The following ATP8B4 variants were observed in gnomAD, a reference collection of about 807,000 sequenced individuals.
ATP8B4 encodes the protein probable phospholipid-transporting ATPase IM.
Under a neutral mutation model 145.6 loss-of-function variants are expected in ATP8B4, and 133 were observed. That is an observed-to-expected ratio of 0.91 (90% confidence interval 0.79 to 1.05). ATP8B4 has a LOEUF of 1.05. Ranked by LOEUF, ATP8B4 falls within the 50% of genes least tolerant of loss-of-function variation. The probability of loss-of-function intolerance (pLI) is 0.00; values close to 1 mark genes in which losing one functional copy is unlikely to be tolerated. For synonymous variants in ATP8B4, 507 were observed against 492.9 expected (o/e 1.03, Z -0.38); for missense variants, 1,458 against 1,425.2 (o/e 1.02, Z -0.37).
At chr15:50,168,414 C>A (rs2044624348) in intron 1 of ATP8B4, among the ~76,000 whole-genome samples, 1 of 152,160 alleles carries the variant, frequency 6.6e-6, no homozygotes, top group South Asian at 2.1e-4. Flanking sequence ...CACACCCCCA[C>A]TGCAGAAGCT....
chr15:50,094,731 C>T (rs2055856753), intron 2 of ATP8B4, among the ~76,000 whole-genome samples: 1 of 145,222 alleles, frequency 6.9e-6, no homozygotes, highest in Non-Finnish European at 1.5e-5. Flanking sequence ...TATATATACA[C>T]ACACACATAT....
intron 14 of ATP8B4, among the ~76,000 whole-genome samples, chr15:49,950,392 G>T (rs1397683079): frequency 6.6e-6 from 1 of 151,898 alleles, no homozygotes; most frequent in Non-Finnish European, 1.5e-5. Flanking sequence ...TCTTGATAAG[G>T]TGTATGCATC....
At chr15:50,056,739 C>T (rs1002980835) in intron 3 of ATP8B4, among the ~76,000 whole-genome samples, 1 of 144,720 alleles carries the variant, frequency 6.9e-6, no homozygotes, top group Non-Finnish European at 1.5e-5. Flanking sequence ...ACACACACAC[C>T]TATAGCAAAG....
chr15:49,923,574 G>A (rs2040452338), intron 16 of ATP8B4, 80 bp from the exon 17 acceptor site: 1 of 992,924 alleles, frequency 1.0e-6, no homozygotes, highest in Non-Finnish European at 1.5e-6. Context: ...GCTCCAGCCT[G>A]GCAATTTGGA....
At chr15:50,143,763 C>T (rs1325125638) in intron 1 of ATP8B4, among the ~76,000 whole-genome samples, 1 of 152,088 alleles carries the variant, frequency 6.6e-6, no homozygotes, top group African/African-American at 2.4e-5. Flanking sequence ...ATTCTGCATT[C>T]CTGACAGATG....
At chr15:50,172,317 AT>A (rs1237550417) in intron 1 of ATP8B4, among the ~76,000 whole-genome samples, 1 of 152,126 alleles carries the variant, frequency 6.6e-6, no homozygotes, top group Admixed American at 6.5e-5. Flanking sequence ...TGGTTTTCGT[AT>A]TTTTTGGTGG....
At chr15:49,987,696 G>T in intron 9 of ATP8B4, 147 bp from the exon 10 acceptor site, 1 of 802,080 alleles carries the variant, frequency 1.2e-6, no homozygotes, top group Non-Finnish European at 1.8e-6. Flanking sequence ...AAAATAAGCT[G>T]GGAGGTAGAA....
At chr15:50,085,885 TTA>T (rs1180384776) in intron 2 of ATP8B4, among the ~76,000 whole-genome samples, 6 of 69,398 alleles carry the variant, frequency 8.6e-5, no homozygotes, top group East Asian at 3.5e-4. Context: ...ATTTATATAT[TTA>T]TATATGATAT....
At chr15:49,981,348 T>C (rs1599602232) in intron 10 of ATP8B4, 54 bp from the exon 11 acceptor site, 1 of 1,330,728 alleles carries the variant, frequency 7.5e-7, no homozygotes, top group East Asian at 2.3e-5. Context: ...TATGTATTCT[T>C]ATTAATGCTC....
At chr15:49,920,538 T>C in intron 17 of ATP8B4, 128 bp from the exon 18 acceptor site, 1 of 1,042,738 alleles carries the variant, frequency 9.6e-7, no homozygotes. Flanking sequence ...TGCTTGGCTA[T>C]CCTTACTCTC....
intron 1 of ATP8B4, among the ~76,000 whole-genome samples, chr15:50,170,537 A>C (rs1356785363): frequency 6.7e-6 from 1 of 150,316 alleles, no homozygotes; most frequent in Non-Finnish European, 1.5e-5. Context: ...GGAGCCCTAA[A>C]TCTTGAAACA....
upstream of ATP8B4, among the ~76,000 whole-genome samples, chr15:50,124,128 C>A (rs555144789): frequency 5.3e-5 from 8 of 152,060 alleles, no homozygotes; most frequent in Non-Finnish European, 7.4e-5. Context: ...GTAACATATG[C>A]CCTCATAGCC....
chr15:50,090,824 A>T (rs186349201), intron 2 of ATP8B4, among the ~76,000 whole-genome samples: 1 of 152,248 alleles, frequency 6.6e-6, no homozygotes, highest in Admixed American at 6.5e-5. Context: ...TTGGGCTCAA[A>T]AGATTCTCTA....
At chr15:49,887,187 A>C (rs1220053008) in intron 23 of ATP8B4, among the ~76,000 whole-genome samples, 3 of 152,048 alleles carry the variant, frequency 2.0e-5, no homozygotes, top group African/African-American at 7.2e-5. Context: ...TAGTTATTCT[A>C]GTAAATGCCC....
intron 8 of ATP8B4, 75 bp downstream of exon 8, chr15:50,002,078 T>G (rs1028674818): frequency 2.4e-6 from 3 of 1,246,714 alleles, no homozygotes; most frequent in Non-Finnish European, 3.4e-6. Flanking sequence ...TGAACAAGGT[T>G]AAGTCTTATC....
At chr15:49,960,736 C>T (rs1419033448) in intron 14 of ATP8B4, among the ~76,000 whole-genome samples, 1 of 152,138 alleles carries the variant, frequency 6.6e-6, no homozygotes, top group East Asian at 1.9e-4. Context: ...GAAAAGAATA[C>T]ATAAAACTCA....
intron 3 of ATP8B4, among the ~76,000 whole-genome samples, chr15:50,048,884 C>T (rs1435580488): frequency 6.6e-6 from 1 of 152,134 alleles, no homozygotes; most frequent in Non-Finnish European, 1.5e-5. Flanking sequence ...CACCATCAGA[C>T]AGGATTTGTA....
chr15:49,897,184 TA>T (rs752448682), intron 23 of ATP8B4, 107 bp downstream of exon 23: 3 of 1,082,946 alleles, frequency 2.8e-6, no homozygotes, highest in Non-Finnish European at 4.0e-6. Flanking sequence ...AATCAGCCAT[TA>T]AAAAATGCTC....
chr15:50,045,759 G>C (rs2051664989), intron 4 of ATP8B4, among the ~76,000 whole-genome samples: 1 of 152,156 alleles, frequency 6.6e-6, no homozygotes, highest in Non-Finnish European at 1.5e-5. Context: ...AAAGAAAGGA[G>C]AGGTTAGACT....
Sources: allele counts gnomAD v4.1 joint callset (sites outside exome capture counted in the v4.1 genomes callset), GRCh38; gene constraint gnomAD v4.1.1; transcripts MANE v1.5; gene names NCBI Gene and HGNC (gene_info 2026-07-23, HGNC 2026-07-21).